PLXDC2: variants seen among roughly 807,000 people sequenced by gnomAD.
PLXDC2 encodes the protein plexin domain-containing protein 2.
Under a neutral mutation model 68.9 loss-of-function variants are expected in PLXDC2, and 40 were observed. That is an observed-to-expected ratio of 0.58 (90% CI 0.45 to 0.76). PLXDC2 has a LOEUF of 0.76. Ranked by LOEUF, PLXDC2 falls within the 30% of genes least tolerant of loss-of-function variation. The pLI is 0.00. For synonymous variants in PLXDC2, 243 were observed against 234.2 expected (o/e 1.04, Z -0.34); for missense variants, 644 against 661.9 (o/e 0.97, Z 0.30).
chr10:19,910,890 A>G (rs1271299885), intron 1 of PLXDC2, among the ~76,000 whole-genome samples: 1 of 151,990 alleles, frequency 6.6e-6, no homozygotes, highest in African/African-American at 2.4e-5. Flanking sequence ...GGTGCCTGTA[A>G]TCCCAGTTAC....
intron 12 of PLXDC2, among the ~76,000 whole-genome samples, chr10:20,244,284 AAG>A (rs568095452): frequency 3.0e-3 from 451 of 152,282 alleles, no homozygotes; most frequent in African/African-American, 0.01. Flanking sequence ...ATTTTAGAAA[AAG>A]AGAAGACTTT....
intron 9 of PLXDC2, among the ~76,000 whole-genome samples, chr10:20,189,297 A>G (rs1484555821): frequency 6.6e-6 from 1 of 150,822 alleles, no homozygotes; most frequent in Non-Finnish European, 1.5e-5. Context: ...AGGTACTAAT[A>G]ACAGGGCTTC....
intron 1 of PLXDC2, among the ~76,000 whole-genome samples, chr10:19,928,938 A>G (rs1833583893): frequency 6.6e-6 from 1 of 151,500 alleles, no homozygotes; most frequent in Admixed American, 6.6e-5. Context: ...TGTTTTTAGT[A>G]GAGATGGAGT....
intron 1 of PLXDC2, among the ~76,000 whole-genome samples, chr10:19,972,633 C>T (rs1046800594): frequency 5.3e-5 from 8 of 151,862 alleles, no homozygotes; most frequent in Non-Finnish European, 1.2e-4. Flanking sequence ...ACATCTCCCA[C>T]GATAAAAGTT....
chr10:19,932,915 C>T (rs1029417296), intron 1 of PLXDC2, among the ~76,000 whole-genome samples: 10 of 152,090 alleles, frequency 6.6e-5, no homozygotes, highest in Non-Finnish European at 1.0e-4. Flanking sequence ...GAACAGGGGA[C>T]GGGATTTGGC....
chr10:19,825,206 T>G (rs1250784864), intron 1 of PLXDC2, among the ~76,000 whole-genome samples: 1 of 152,172 alleles, frequency 6.6e-6, no homozygotes, highest in Non-Finnish European at 1.5e-5. Context: ...CTCAATTATT[T>G]TTTACTCAAT....
At chr10:20,098,381 G>GTGTGTGTGTGTGTGTGTGTA (rs953255294) in intron 4 of PLXDC2, among the ~76,000 whole-genome samples, 1 of 151,542 alleles carries the variant, frequency 6.6e-6, no homozygotes, top group African/African-American at 2.4e-5. Context: ...GTGTGTGTGT[G>GTGTGTGTGTGTGTGTGTGTA]TGTATGTATG....
At chr10:19,987,631 G>A (rs748365546) in intron 1 of PLXDC2, among the ~76,000 whole-genome samples, 8 of 151,002 alleles carry the variant, frequency 5.3e-5, no homozygotes, top group Non-Finnish European at 8.8e-5. Context: ...GCGCGATCTC[G>A]GCTCACTGCA....
chr10:20,100,755 T>C (rs745753048), intron 4 of PLXDC2, among the ~76,000 whole-genome samples: 1 of 152,178 alleles, frequency 6.6e-6, no homozygotes, highest in Non-Finnish European at 1.5e-5. Context: ...TACCTTTTGA[T>C]TCTCTGTTCA....
intron 1 of PLXDC2, among the ~76,000 whole-genome samples, chr10:19,893,100 A>G (rs1837995357): frequency 6.6e-6 from 1 of 152,132 alleles, no homozygotes; most frequent in Non-Finnish European, 1.5e-5. Context: ...GGGGGTTAGC[A>G]TAGGTAATCT....
At chr10:20,071,368 A>G (rs10827954) in intron 4 of PLXDC2, 29,212 of 152,130 alleles carry the variant, frequency 0.19, 3,216 homozygotes, top group South Asian at 0.3. Context: ...TGTGTCCCCA[A>G]TCAAATCTCA....
At chr10:19,896,327 C>T (rs1334189512) in intron 1 of PLXDC2, among the ~76,000 whole-genome samples, 1 of 152,196 alleles carries the variant, frequency 6.6e-6, no homozygotes, top group Non-Finnish European at 1.5e-5. Flanking sequence ...CAGAGAATTG[C>T]AAGAATTGCA....
At chr10:20,166,194 A>G (rs980970448) in intron 7 of PLXDC2, among the ~76,000 whole-genome samples, 3 of 152,176 alleles carry the variant, frequency 2.0e-5, no homozygotes, top group Admixed American at 2.0e-4. Context: ...TTTTAAAGCA[A>G]CGGATTAGCA....
chr10:19,963,105 C>T (rs1329440159), intron 1 of PLXDC2, among the ~76,000 whole-genome samples: 1 of 150,908 alleles, frequency 6.6e-6, no homozygotes, highest in African/African-American at 2.4e-5. Context: ...TGGATTCTTT[C>T]TGTTGGTAGC....
intron 12 of PLXDC2, among the ~76,000 whole-genome samples, chr10:20,229,788 T>C (rs1195275719): frequency 4.6e-5 from 7 of 152,346 alleles, no homozygotes; most frequent in African/African-American, 1.7e-4. Context: ...GTTAATTATC[T>C]GAAACTAATT....
chr10:20,216,479 T>C lies in PLXDC2; in HGVS notation c.1123-947T>C, dbSNP rs189810292. Among the ~76,000 whole-genome samples the C allele has an allele frequency of 3.0e-3, 461 of 152,232 alleles. 1 individual carries two copies. Among genetic ancestry groups the C allele is most frequent in the Middle Eastern group, 6.8e-3 (2 of 294 alleles). ...AAGTGGAGAATAAACCTGTTTCATA[T>C]CCTATTAATGAAAAGGAGGCTGTCT... On this transcript the variant is annotated intron_variant, in intron 10 of 13. Coordinates refer to ENST00000377252, the MANE Select transcript of PLXDC2 (RefSeq NM_032812.9).
At chr10:20,050,281 C>T (rs1835869789) in intron 3 of PLXDC2, among the ~76,000 whole-genome samples, 2 of 152,088 alleles carry the variant, frequency 1.3e-5, no homozygotes, top group Admixed American at 6.6e-5. Context: ...CTAGGCAATA[C>T]CATTCTGGAC....
chr10:19,821,201 A>G (rs970711209), intron 1 of PLXDC2, among the ~76,000 whole-genome samples: 1 of 152,196 alleles, frequency 6.6e-6, no homozygotes, highest in Non-Finnish European at 1.5e-5. Flanking sequence ...CTGTGGCCTC[A>G]AGCACTTTCC....
intron 10 of PLXDC2, among the ~76,000 whole-genome samples, chr10:20,217,115 G>T (rs1278673180): frequency 2.0e-5 from 3 of 152,136 alleles, no homozygotes; most frequent in Non-Finnish European, 4.4e-5. Context: ...TTTTGACAGT[G>T]TGTCTTTTAT....
Sources: gnomAD v4.1 joint callset for allele counts (sites outside exome capture counted in the v4.1 genomes callset) on GRCh38, gnomAD v4.1.1 for gene constraint, MANE v1.5 for transcripts, NCBI Gene and HGNC (gene_info 2026-07-23, HGNC 2026-07-21) for gene names.